Variants in UTRN observed in about 807,000 individuals in gnomAD.
UTRN encodes utrophin.
A neutral mutation model predicts 463.9 loss-of-function variants in UTRN; 283 were observed. The ratio of observed to expected loss-of-function variants is 0.61; its 90% CI spans 0.55 to 0.67. The LOEUF (loss-of-function observed/expected upper bound fraction) is 0.67, where lower values mean the gene tolerates loss of function less well. UTRN is among the 30% of genes least tolerant of loss of function. The pLI is 0.00. For missense variants in UTRN, 3,922 were observed against 4,084.3 expected (o/e 0.96, Z 1.08); for synonymous variants, 1,442 against 1,431.5 (o/e 1.01, Z -0.17).
intron 53 of UTRN, among the ~76,000 whole-genome samples, chr6:144,724,940 C>T (rs777296505): frequency 3.3e-5 from 5 of 152,098 alleles, no homozygotes; most frequent in Non-Finnish European, 5.9e-5. Flanking sequence ...TCTTTTTCTT[C>T]GGTATATACC....
At chr6:144,761,670 TAAATA>T (rs562471220) in intron 58 of UTRN, among the ~76,000 whole-genome samples, 8 of 151,680 alleles carry the variant, frequency 5.3e-5, no homozygotes, top group African/African-American at 1.9e-4. Flanking sequence ...ATAATAATAA[TAAATA>T]AAGAGAGAGA....
Position 144,419,937 on chromosome 6 carries a change from T to C in UTRN, c.142-1941T>C, listed in dbSNP as rs1396307491. Among the ~76,000 whole-genome samples the C allele has an allele frequency of 3.3e-5, 5 of 150,924 alleles. No individual in the cohort carries two copies. The East Asian group carries it at 7.8e-4, about 24-fold the overall frequency. On this transcript the variant is annotated intron_variant, in intron 3 of 74. Coordinates refer to ENST00000367545, the MANE Select transcript of UTRN (RefSeq NM_007124.3). ...TTTATTCATCTTTGTAATTCAGGTC[T>C]CTTCAGGTACACACACTTGTGCGCA...
intron 51 of UTRN, among the ~76,000 whole-genome samples, chr6:144,655,364 C>T (rs955096456): frequency 1.2e-4 from 19 of 152,324 alleles, no homozygotes; most frequent in South Asian, 1.2e-3. Flanking sequence ...ACTCAGATCA[C>T]GATTAGGGTC....
intron 41 of UTRN, 97 bp downstream of exon 41, chr6:144,523,285 G>A (rs1796270245): frequency 2.0e-6 from 2 of 979,226 alleles, no homozygotes; most frequent in African/African-American, 3.4e-5. Context: ...ATGAGAACAT[G>A]TTTCATATCC....
At chr6:144,466,586 A>G (rs1247749332) in intron 23 of UTRN, among the ~76,000 whole-genome samples, 1 of 152,240 alleles carries the variant, frequency 6.6e-6, no homozygotes, top group Non-Finnish European at 1.5e-5. Context: ...CAGGTGACAA[A>G]ACATTTGAAA....
chr6:144,380,423 C>T (rs1780806996), intron 2 of UTRN, among the ~76,000 whole-genome samples: 2 of 152,112 alleles, frequency 1.3e-5, no homozygotes, highest in South Asian at 2.1e-4. Flanking sequence ...TTGTCTAAAT[C>T]TTCCTTAATA....
At chr6:144,490,816 A>T in intron 31 of UTRN, 113 bp from the exon 32 acceptor site, 1 of 1,234,276 alleles carries the variant, frequency 8.1e-7, no homozygotes, top group Non-Finnish European at 1.1e-6. Flanking sequence ...CATATTTCTG[A>T]ATTTTTTTCT....
At chr6:144,743,389 A>T (rs1165177471) in intron 54 of UTRN, among the ~76,000 whole-genome samples, 1 of 152,250 alleles carries the variant, frequency 6.6e-6, no homozygotes. Flanking sequence ...TTTCATTTTT[A>T]AAATTTAAAA....
intron 66 of UTRN, among the ~76,000 whole-genome samples, chr6:144,824,589 TATATATATATATATATATATATATC>T (rs1779947464): frequency 2.5e-4 from 10 of 39,696 alleles, no homozygotes; most frequent in African/African-American, 7.3e-4. Context: ...TATATATATA[TATATATATATATATATATATATATC>T]TTTTTTTTTT....
chr6:144,436,042 G>C lies in UTRN; in HGVS notation c.963G>C (p.Val321=), dbSNP rs1377887997. ...LDSYQIALEE[V]LTWLLSAEDT... ...GCTATCAGATTGCGTTGGAGGAAGT[G>C]CTGACCTGGTTGCTTTCTGCTGAGG... The change falls in exon 10 of 75, where the codon GTG becomes GTC. Residue 321 remains valine (V), a synonymous_variant. Coordinates refer to ENST00000367545, the MANE Select transcript of UTRN (RefSeq NM_007124.3). 2 of 1,614,242 alleles carry C rather than the reference G, an allele frequency of 1.2e-6. No homozygotes were observed. The highest frequency in any genetic ancestry group is 2.7e-5 in the African/African-American group (2 of 75,066).
At chr6:144,601,438 G>C (rs1804240317) in intron 51 of UTRN, among the ~76,000 whole-genome samples, 1 of 151,074 alleles carries the variant, frequency 6.6e-6, no homozygotes, top group Non-Finnish European at 1.5e-5. Flanking sequence ...ATTTTGCGGG[G>C]TTCAAGAGTT....
intron 50 of UTRN, among the ~76,000 whole-genome samples, chr6:144,564,680 G>A (rs562136825): frequency 6.6e-6 from 1 of 152,208 alleles, no homozygotes; most frequent in South Asian, 2.1e-4. Context: ...AGTGAAGGGG[G>A]AAGAGCTCCT....
At chr6:144,591,202 T>C (rs1000361466) in intron 51 of UTRN, among the ~76,000 whole-genome samples, 2 of 152,140 alleles carry the variant, frequency 1.3e-5, no homozygotes, top group African/African-American at 4.8e-5. Flanking sequence ...TTCCAAAGGA[T>C]TCATGCCCCT....
Position 144,658,975 on chromosome 6 carries a change from A to G in UTRN, c.7480-19431A>G, listed in dbSNP as rs531465184. Among the ~76,000 whole-genome samples the G allele has an allele frequency of 9.2e-5, 14 of 152,380 alleles. No homozygotes were observed. In the East Asian group the frequency reaches 1.5e-3, roughly 17 times the overall value. On this transcript the variant is annotated intron_variant, in intron 51 of 74. Coordinates refer to ENST00000367545, the MANE Select transcript of UTRN (RefSeq NM_007124.3). The stretch of plus-strand genomic sequence containing the variant: ...CTCATTAAGTTTTATGTCAGAAACA[A>G]GTAAATTCCCTATAAGAAAACAGTC...
chr6:144,504,990 G>A (rs1242134462), intron 34 of UTRN, among the ~76,000 whole-genome samples: 2 of 152,156 alleles, frequency 1.3e-5, no homozygotes, highest in Non-Finnish European at 2.9e-5. Context: ...AGTCTTATGA[G>A]GGTGTATGTG....
chr6:144,762,223 A>G lies in UTRN; in HGVS notation c.8495+4234A>G, dbSNP rs1444865973. On this transcript the variant is annotated intron_variant, in intron 58 of 74. Transcript: ENST00000367545. ...TGGTAAATAGAAGAGCTAGTGTTCAAACCCAGGGATTGTCTACAGCTCCTG... is the reference window on the plus strand; with the variant it reads ...TGGTAAATAGAAGAGCTAGTGTTCAGACCCAGGGATTGTCTACAGCTCCTG... Among the ~76,000 whole-genome samples, 4 of 152,304 alleles carry G rather than the reference A, an allele frequency of 2.6e-5. No homozygotes were observed. In the South Asian group the frequency reaches 6.2e-4, roughly 24 times the overall value.
intron 51 of UTRN, among the ~76,000 whole-genome samples, chr6:144,607,856 A>T (rs1025309145): frequency 2.0e-5 from 3 of 152,200 alleles, no homozygotes; most frequent in Admixed American, 6.5e-5. Flanking sequence ...CTTGCTTTAG[A>T]GTGACCTTGT....
intron 3 of UTRN, among the ~76,000 whole-genome samples, chr6:144,415,511 AT>A (rs1214733239): frequency 6.6e-6 from 1 of 152,154 alleles, no homozygotes; most frequent in African/African-American, 2.4e-5. Flanking sequence ...TTTTTTGTAG[AT>A]TTTTTTCTAT....
In UTRN at chr6:144,523,055, G is replaced by A. The variant is rs750942577; in HGVS notation, c.5773G>A (p.Ala1925Thr). Residue 1925 changes from alanine (A) to threonine (T), a missense_variant, in exon 41 of 75, where the codon GCA becomes ACA. Transcript: ENST00000367545. Reference sequence around the variant, plus strand: ...ACTGGACAAACTTGGAGAGCAGATTGCAGTCATTCATGAAAAACAGCCAGA... The same window carrying A: ...ACTGGACAAACTTGGAGAGCAGATTACAGTCATTCATGAAAAACAGCCAGA... ...DQLDKLGEQI[A>T]VIHEKQPDVI... 3.1e-6 allele frequency: 5 copies of A among 1,612,940 alleles called. No individual in the cohort carries two copies. The highest frequency in any genetic ancestry group is 1.7e-5 in the Admixed American group (1 of 59,814).
Sources: gnomAD v4.1 joint callset for allele counts (sites outside exome capture counted in the v4.1 genomes callset) on GRCh38, gnomAD v4.1.1 for gene constraint, MANE v1.5 for transcripts, NCBI Gene and HGNC (gene_info 2026-07-23, HGNC 2026-07-21) for gene names.